GOLIM4: variants seen among roughly 807,000 people sequenced by gnomAD.
GOLIM4 encodes the protein 130 kDa golgi-localized phosphoprotein.
GOLIM4 carries 71 observed loss-of-function variants against 107.4 expected under a neutral mutation model. That is an observed-to-expected ratio of 0.66 (90% confidence interval 0.55 to 0.81). The LOEUF (loss-of-function observed/expected upper bound fraction) is 0.81, where lower values mean the gene tolerates loss of function less well. GOLIM4 is among the 30% of genes least tolerant of loss of function. The pLI is 0.00. For synonymous variants in GOLIM4, 327 were observed against 294.8 expected (o/e 1.11, Z -1.12); for missense variants, 830 against 826.1 (o/e 1.00, Z -0.06).
At chr3:168,076,804 T>C (rs1365249418) in intron 1 of GOLIM4, among the ~76,000 whole-genome samples, 2 of 152,240 alleles carry the variant, frequency 1.3e-5, no homozygotes, top group Non-Finnish European at 2.9e-5. Context: ...ACTTGTTCTA[T>C]GTCACTGAAA....
Position 168,030,044 on chromosome 3 carries a change from GAAA to G in GOLIM4, c.1177-11_1177-9del, listed in dbSNP as rs1718234637. 7 of 1,612,906 alleles carry G rather than the reference GAAA, an allele frequency of 4.3e-6. No individual in the cohort carries two copies. Among genetic ancestry groups the G allele is most frequent in the Non-Finnish European group, 5.9e-6 (7 of 1,179,132 alleles). On this transcript the variant is annotated splice_polypyrimidine_tract_variant and intron_variant, in intron 9 of 15. Coordinates refer to ENST00000470487, the MANE Select transcript of GOLIM4 (RefSeq NM_014498.5). The stretch of plus-strand genomic sequence containing the variant: ...CTTGGCTGAAGGGTACACCTAGGGT[GAAA>G]AAGAGTTGGTGCAGAGCAAGAGGGG...
chr3:168,079,898 C>T (rs1172133980), intron 1 of GOLIM4, among the ~76,000 whole-genome samples: 2 of 151,986 alleles, frequency 1.3e-5, no homozygotes, highest in Non-Finnish European at 2.9e-5. Context: ...ATAGATATTT[C>T]AGAGAAAATT....
intron 1 of GOLIM4, among the ~76,000 whole-genome samples, chr3:168,062,197 G>A (rs1268368737): frequency 2.0e-5 from 3 of 152,088 alleles, no homozygotes; most frequent in Non-Finnish European, 2.9e-5. Context: ...CTCAAGTTAG[G>A]TTTTTAGCTT....
chr3:168,014,249 A>C (rs1224466055), intron 14 of GOLIM4, among the ~76,000 whole-genome samples: 1 of 151,468 alleles, frequency 6.6e-6, no homozygotes, highest in East Asian at 1.9e-4. Context: ...CCATCAGAGA[A>C]TACTACAAAC....
chr3:168,051,879 T>C (rs61508722), intron 1 of GOLIM4, among the ~76,000 whole-genome samples: 1,805 of 151,868 alleles, frequency 0.012, 35 homozygotes, highest in African/African-American at 0.042. Flanking sequence ...AAGAAAAGAA[T>C]AAAGGAAAAC....
intron 1 of GOLIM4, among the ~76,000 whole-genome samples, chr3:168,094,624 T>C (rs965959271): frequency 6.6e-6 from 1 of 152,226 alleles, no homozygotes; most frequent in Middle Eastern, 3.2e-3. Flanking sequence ...TGGCTTAATT[T>C]TCCCTTGAAA....
chr3:168,089,317 G>A (rs1243187947), intron 1 of GOLIM4, among the ~76,000 whole-genome samples: 1 of 152,180 alleles, frequency 6.6e-6, no homozygotes, highest in East Asian at 1.9e-4. Context: ...TTCTAACGCT[G>A]CACTTGAAAA....
At chr3:168,022,347 C>A (rs1449490383) in intron 14 of GOLIM4, among the ~76,000 whole-genome samples, 3 of 150,218 alleles carry the variant, frequency 2.0e-5, no homozygotes, top group Admixed American at 6.6e-5. Context: ...AAAAAAAAAA[C>A]AACAACAACA....
In GOLIM4 at chr3:168,095,085, C is replaced by G. The variant is rs752786682; in HGVS notation, c.187+14G>C. The G allele has an allele frequency of 6.3e-7, 1 of 1,583,760 alleles. No homozygotes were observed. The highest frequency in any genetic ancestry group is 8.6e-7 in the Non-Finnish European group (1 of 1,158,774). ...AAAGTTGGCCACCGGCTGCGCGCGT[C>G]CCGTTAGCCGTACCTTGTAACTGGG... On this transcript the variant is annotated intron_variant, in intron 1 of 15. Transcript: ENST00000470487.
chr3:168,032,979 C>A, intron 8 of GOLIM4, 127 bp from the exon 9 acceptor site: 3 of 709,204 alleles, frequency 4.2e-6, no homozygotes, highest in East Asian at 5.1e-5. Context: ...TATATATAGT[C>A]CTGGCTTTAT....
intron 5 of GOLIM4, among the ~76,000 whole-genome samples, chr3:168,041,902 AAAT>A (rs1387628173): frequency 6.6e-6 from 1 of 152,042 alleles, no homozygotes; most frequent in Non-Finnish European, 1.5e-5. Context: ...AAATATATAA[AAAT>A]AAAATAATCA....
chr3:168,074,220 G>A (rs952980225), intron 1 of GOLIM4, among the ~76,000 whole-genome samples: 6 of 152,132 alleles, frequency 3.9e-5, no homozygotes, highest in African/African-American at 1.4e-4. Flanking sequence ...GAGAAACCTA[G>A]GACTAGAACC....
chr3:168,024,081 A>G (rs1331425658), intron 14 of GOLIM4, among the ~76,000 whole-genome samples: 1 of 152,192 alleles, frequency 6.6e-6, no homozygotes, highest in Admixed American at 6.5e-5. Flanking sequence ...AAAATTTACA[A>G]AAATGTTTGG....
At chr3:168,078,273 A>C (rs1036544701) in intron 1 of GOLIM4, among the ~76,000 whole-genome samples, 4 of 152,164 alleles carry the variant, frequency 2.6e-5, no homozygotes, top group Non-Finnish European at 4.4e-5. Flanking sequence ...ATATTTTGTT[A>C]ATTTTTTCTA....
At chr3:168,015,219 A>C (rs1342106608) in intron 14 of GOLIM4, among the ~76,000 whole-genome samples, 1 of 128,766 alleles carries the variant, frequency 7.8e-6, no homozygotes, top group Non-Finnish European at 1.5e-5. Flanking sequence ...AATGTACAAA[A>C]ATCACAAGCA....
At chr3:168,023,629 T>C (rs756168842) in intron 14 of GOLIM4, among the ~76,000 whole-genome samples, 35 of 152,156 alleles carry the variant, frequency 2.3e-4, no homozygotes, top group Non-Finnish European at 4.4e-4. Context: ...CCCATAGGGA[T>C]AAAACCACAC....
In GOLIM4 at chr3:168,074,929, T is replaced by C. The variant is rs542954095; in HGVS notation, c.187+20170A>G. 2.6e-5 allele frequency among the ~76,000 whole-genome samples: 4 copies of C among 152,318 alleles called. No individual in the cohort carries two copies. The South Asian group carries it at 8.3e-4, about 32-fold the overall frequency. ...GACAGAGAGGAAATTAGATGTGATC[T>C]AGTGAGACATAAATCAAAATTCAAG... On this transcript the variant is annotated intron_variant, in intron 1 of 15. Coordinates refer to ENST00000470487, the MANE Select transcript of GOLIM4 (RefSeq NM_014498.5).
intron 1 of GOLIM4, among the ~76,000 whole-genome samples, chr3:168,072,441 T>G (rs1158325669): frequency 6.7e-6 from 1 of 149,980 alleles, no homozygotes; most frequent in African/African-American, 2.4e-5. Flanking sequence ...AAACTAAAAC[T>G]TGGCAGAGCT....
rs1224849094 is a variant in GOLIM4 at position 168,043,422 on chromosome 3, C to T, written c.474G>A (p.Leu158=). Reference sequence around the variant, plus strand: ...CTTGTTCTTTTTCTTGCTGGAGCTGCAAGTATTTTTGCTTATGGTCATTAA... The same window carrying T: ...CTTGTTCTTTTTCTTGCTGGAGCTGTAAGTATTTTTGCTTATGGTCATTAA... The part of the protein sequence containing the change: ...RTFNDHKQKY[L]QLQQEKEQEL... Residue 158 remains leucine (L), a synonymous_variant, in exon 5 of 16, where the codon TTG becomes TTA. Coordinates refer to ENST00000470487, the MANE Select transcript of GOLIM4 (RefSeq NM_014498.5). 6.2e-7 allele frequency: 1 copy of T among 1,610,590 alleles called. No homozygotes were observed. The highest frequency in any genetic ancestry group is 1.3e-5 in the African/African-American group (1 of 74,736).
Sources: gnomAD v4.1 joint callset for allele counts (sites outside exome capture counted in the v4.1 genomes callset) on GRCh38, gnomAD v4.1.1 for gene constraint, MANE v1.5 for transcripts, NCBI Gene and HGNC (gene_info 2026-07-23, HGNC 2026-07-21) for gene names.